Variants in ITGA9 observed in about 807,000 individuals in gnomAD.
ITGA9 encodes integrin alpha-9.
Under a neutral mutation model 127.8 loss-of-function variants are expected in ITGA9, and 56 were observed. The ratio of observed to expected loss-of-function variants is 0.44; its 90% CI spans 0.35 to 0.55. The LOEUF is 0.55. Among genes scored for constraint, ITGA9 ranks in the 20% least tolerant of loss-of-function variants. The pLI, the probability that ITGA9 is intolerant of heterozygous loss-of-function variation, is 0.00. For missense variants in ITGA9, 1,196 were observed against 1,347.1 expected, an observed-to-expected ratio of 0.89 and a Z score of 1.76; for synonymous variants, 508 against 514.5, an observed-to-expected ratio of 0.99 and a Z score of 0.17.
intron 16 of ITGA9, among the ~76,000 whole-genome samples, chr3:37,630,182 T>C (rs1700217155): frequency 6.6e-6 from 1 of 152,164 alleles, no homozygotes; most frequent in Non-Finnish European, 1.5e-5. Flanking sequence ...CCATGCCTTG[T>C]AGATTAGAGT....
intron 11 of ITGA9, 74 bp downstream of exon 11, chr3:37,519,428 C>A: frequency 8.5e-7 from 1 of 1,180,114 alleles, no homozygotes; most frequent in Non-Finnish European, 1.3e-6. Context: ...CTTCATTATG[C>A]ACCATGCCCT....
intron 17 of ITGA9, among the ~76,000 whole-genome samples, chr3:37,677,631 G>A (rs1410955459): frequency 3.3e-5 from 5 of 152,168 alleles, no homozygotes; most frequent in Middle Eastern, 3.2e-3. Flanking sequence ...TGCTTTAGGA[G>A]CAATGGGAAA....
At chr3:37,619,537 G>C (rs1700107576) in intron 15 of ITGA9, among the ~76,000 whole-genome samples, 1 of 152,228 alleles carries the variant, frequency 6.6e-6, no homozygotes. Context: ...CCAGCAGCAA[G>C]GGGGATGGGG....
intron 15 of ITGA9, among the ~76,000 whole-genome samples, chr3:37,604,946 A>G (rs1699954666): frequency 2.0e-5 from 3 of 152,244 alleles, no homozygotes; most frequent in African/African-American, 4.8e-5. Flanking sequence ...GAAGCTTTTG[A>G]TGGGCCGGCT....
At chr3:37,582,642 G>A (rs1327650059) in intron 15 of ITGA9, among the ~76,000 whole-genome samples, 4 of 152,174 alleles carry the variant, frequency 2.6e-5, no homozygotes, top group African/African-American at 9.7e-5. Context: ...GGAGTGGTGG[G>A]GGTAGACTAA....
At chr3:37,761,207 A>G (rs1376987420) in intron 23 of ITGA9, among the ~76,000 whole-genome samples, 5 of 152,244 alleles carry the variant, frequency 3.3e-5, no homozygotes, top group Admixed American at 3.3e-4. Context: ...CAAAAATCTA[A>G]AAAATTGTTA....
At chr3:37,564,381 C>A (rs529412891) in intron 15 of ITGA9, among the ~76,000 whole-genome samples, 1 of 152,328 alleles carries the variant, frequency 6.6e-6, no homozygotes, top group African/African-American at 2.4e-5. Context: ...AGCCCTAGTT[C>A]TGATCTCTGG....
intron 15 of ITGA9, among the ~76,000 whole-genome samples, chr3:37,617,421 G>A (rs1385020605): frequency 6.6e-6 from 1 of 152,132 alleles, no homozygotes; most frequent in Non-Finnish European, 1.5e-5. Flanking sequence ...CAGCTTTGGT[G>A]AATCTGACAA....
At chr3:37,664,235 G>A (rs376450391) in intron 17 of ITGA9, among the ~76,000 whole-genome samples, 9 of 152,102 alleles carry the variant, frequency 5.9e-5, no homozygotes, top group African/African-American at 2.2e-4. Context: ...CTCTTTGAAA[G>A]CCCCAATCCA....
At chr3:37,790,487 C>T in intron 26 of ITGA9, 1 of 322,200 alleles carries the variant, frequency 3.1e-6, no homozygotes, top group East Asian at 7.7e-5. Flanking sequence ...CTTGTGGGAA[C>T]ACTGGCACAG....
At chr3:37,585,174 C>A (rs866876401) in intron 15 of ITGA9, among the ~76,000 whole-genome samples, 1 of 151,942 alleles carries the variant, frequency 6.6e-6, no homozygotes, top group Non-Finnish European at 1.5e-5. Flanking sequence ...TTTAAACTGA[C>A]CCCCCTTACT....
chr3:37,521,373 C>T (rs1030407971), intron 11 of ITGA9, among the ~76,000 whole-genome samples: 1 of 152,192 alleles, frequency 6.6e-6, no homozygotes, highest in African/African-American at 2.4e-5. Context: ...TCAGGGCCTA[C>T]ACTTCTTCCA....
chr3:37,703,442 T>G (rs1038703375), intron 18 of ITGA9, among the ~76,000 whole-genome samples: 4 of 152,370 alleles, frequency 2.6e-5, no homozygotes, highest in South Asian at 2.1e-4. Context: ...GCTAAGTTTT[T>G]AGTCTTCTCT....
chr3:37,465,618 G>T (rs1698361980), intron 1 of ITGA9, among the ~76,000 whole-genome samples: 1 of 152,212 alleles, frequency 6.6e-6, no homozygotes, highest in Admixed American at 6.5e-5. Flanking sequence ...ATTAAGAGAG[G>T]CAAACCTCTG....
intron 26 of ITGA9, among the ~76,000 whole-genome samples, chr3:37,801,316 G>A (rs542603094): frequency 6.6e-6 from 1 of 152,138 alleles, no homozygotes; most frequent in Admixed American, 6.5e-5. Context: ...TGGAAGGAAG[G>A]GGGAAGGGAG....
At chr3:37,717,101 G>A (rs1476549460) in intron 18 of ITGA9, among the ~76,000 whole-genome samples, 1 of 152,156 alleles carries the variant, frequency 6.6e-6, no homozygotes, top group East Asian at 1.9e-4. Context: ...GCTGGTATAT[G>A]TTTCTCTGTT....
chr3:37,638,451 G>GGA (rs1172909756), intron 16 of ITGA9, among the ~76,000 whole-genome samples: 3 of 127,602 alleles, frequency 2.4e-5, no homozygotes, highest in African/African-American at 5.6e-5. Context: ...TGATTATGGG[G>GGA]AAAAAAAAAA....
intron 17 of ITGA9, among the ~76,000 whole-genome samples, chr3:37,679,170 A>T (rs1258255419): frequency 6.6e-6 from 1 of 152,098 alleles, no homozygotes; most frequent in African/African-American, 2.4e-5. Context: ...AGATCCATGT[A>T]CAAAGTAATA....
intron 23 of ITGA9, among the ~76,000 whole-genome samples, chr3:37,764,986 A>G (rs1055863405): frequency 6.6e-6 from 1 of 152,092 alleles, no homozygotes; most frequent in South Asian, 2.1e-4. Context: ...ATGTGAAATT[A>G]CTCTCTTATC....
Sources: gnomAD v4.1 joint callset for allele counts (sites outside exome capture counted in the v4.1 genomes callset) on GRCh38, gnomAD v4.1.1 for gene constraint, MANE v1.5 for transcripts, NCBI Gene and HGNC (gene_info 2026-07-23, HGNC 2026-07-21) for gene names.